NRCAM: variants seen among roughly 807,000 people sequenced by gnomAD.
NRCAM encodes the protein neuronal cell adhesion molecule, also known as NgCAM-related cell adhesion molecule.
NRCAM carries 83 observed loss-of-function variants against 156.5 expected under a neutral mutation model. That is an observed-to-expected ratio of 0.53 (90% CI 0.44 to 0.64). The LOEUF (loss-of-function observed/expected upper bound fraction) is 0.64. Among genes scored for constraint, NRCAM ranks in the 30% least tolerant of loss-of-function variants. NRCAM has a pLI of 0.00. For synonymous variants in NRCAM, 538 were observed against 563.9 expected (o/e 0.95, Z 0.65); for missense variants, 1,417 against 1,597.3 (o/e 0.89, Z 1.92).
intron 3 of NRCAM, among the ~76,000 whole-genome samples, chr7:108,268,825 C>G (rs567057704): frequency 6.6e-6 from 1 of 152,208 alleles, no homozygotes; most frequent in Non-Finnish European, 1.5e-5. Flanking sequence ...ATGAATGGTT[C>G]AATACCTGAA....
chr7:108,151,914 C>A (rs981760849), intron 32 of NRCAM, among the ~76,000 whole-genome samples: 1 of 152,160 alleles, frequency 6.6e-6, no homozygotes, highest in African/African-American at 2.4e-5. Flanking sequence ...AAGGAATACA[C>A]TGCTGGAAAT....
intron 17 of NRCAM, among the ~76,000 whole-genome samples, chr7:108,193,256 A>C (rs998408725): frequency 6.6e-6 from 1 of 152,232 alleles, no homozygotes; most frequent in African/African-American, 2.4e-5. Context: ...CTCTAGGCAC[A>C]TAAAAGAGAA....
intron 1 of NRCAM, among the ~76,000 whole-genome samples, chr7:108,428,440 C>T (rs1227775637): frequency 1.3e-5 from 2 of 152,132 alleles, no homozygotes; most frequent in Non-Finnish European, 2.9e-5. Flanking sequence ...AACCTGCTGC[C>T]CCAAGGAGTA....
chr7:108,279,253 T>G (rs1025104081), intron 3 of NRCAM, among the ~76,000 whole-genome samples: 2 of 152,202 alleles, frequency 1.3e-5, no homozygotes, highest in African/African-American at 4.8e-5. Context: ...AATAATAGTT[T>G]TATCAATTTT....
At chr7:108,210,536 G>A (rs759595430) in intron 11 of NRCAM, among the ~76,000 whole-genome samples, 77 of 152,226 alleles carry the variant, frequency 5.1e-4, no homozygotes, top group Non-Finnish European at 9.9e-4. Flanking sequence ...GTGAGCCACC[G>A]CGCCTGGTCC....
At chr7:108,436,014 G>C (rs6466235) in intron 1 of NRCAM, among the ~76,000 whole-genome samples, 56,402 of 152,122 alleles carry the variant, frequency 0.37, 11,218 homozygotes, top group African/African-American at 0.51. Context: ...GGCACCTGTA[G>C]TCCCAGCTAC....
At chr7:108,226,544 A>G (rs2093482459) in intron 8 of NRCAM, among the ~76,000 whole-genome samples, 166 bp from the exon 9 acceptor site, 1 of 144,866 alleles carries the variant, frequency 6.9e-6, no homozygotes, top group Admixed American at 6.8e-5. Context: ...AAAAAAAAAA[A>G]AAATACGTAA....
chr7:108,280,825 C>A (rs2097830965), intron 3 of NRCAM, among the ~76,000 whole-genome samples: 1 of 94,846 alleles, frequency 1.1e-5, no homozygotes, highest in Non-Finnish European at 2.1e-5. Context: ...TCTGTATGCT[C>A]ACTAATATCA....
At chr7:108,159,230 T>A in intron 32 of NRCAM, 1 of 685,124 alleles carries the variant, frequency 1.5e-6, no homozygotes. Flanking sequence ...TATGACAAAG[T>A]GGGAGACATT....
chr7:108,184,765 T>A (rs2065666390), intron 20 of NRCAM, 151 bp from the exon 21 acceptor site: 1 of 621,708 alleles, frequency 1.6e-6, no homozygotes, highest in Admixed American at 3.2e-5. Flanking sequence ...ATATTTTGAT[T>A]TCAGAGTTGT....
chr7:108,263,272 T>G (rs954317216), intron 3 of NRCAM, among the ~76,000 whole-genome samples: 1 of 152,250 alleles, frequency 6.6e-6, no homozygotes, highest in African/African-American at 2.4e-5. Context: ...AGAAAAGAAT[T>G]TCATTTCTTT....
At chr7:108,169,631 GA>G (rs2057226362) in intron 28 of NRCAM, among the ~76,000 whole-genome samples, 1 of 152,146 alleles carries the variant, frequency 6.6e-6, no homozygotes, top group Admixed American at 6.5e-5. Context: ...TAAGCATGGG[GA>G]AACAGCAGAG....
At chr7:108,220,554 G>A (rs1000426338) in intron 11 of NRCAM, among the ~76,000 whole-genome samples, 1 of 152,038 alleles carries the variant, frequency 6.6e-6, no homozygotes, top group African/African-American at 2.4e-5. Context: ...AATACTTACA[G>A]CCAACTGATC....
At chr7:108,166,335 C>T (rs1479234724) in intron 30 of NRCAM, among the ~76,000 whole-genome samples, 1 of 151,364 alleles carries the variant, frequency 6.6e-6, no homozygotes, top group Admixed American at 6.6e-5. Context: ...GCAACCTCTG[C>T]CTCCCGGGTT....
At chr7:108,278,653 C>T (rs949744522) in intron 3 of NRCAM, among the ~76,000 whole-genome samples, 3 of 152,244 alleles carry the variant, frequency 2.0e-5, no homozygotes, top group African/African-American at 7.2e-5. Context: ...CCTCCAGATA[C>T]AGTCACTCAC....
chr7:108,390,632 T>C (rs2099756714), intron 2 of NRCAM, among the ~76,000 whole-genome samples: 1 of 152,224 alleles, frequency 6.6e-6, no homozygotes, highest in Admixed American at 6.5e-5. Flanking sequence ...ATGTGCTTGC[T>C]CTTGCTTCTC....
chr7:108,445,137 T>C (rs1162532957), intron 1 of NRCAM, among the ~76,000 whole-genome samples: 1 of 152,220 alleles, frequency 6.6e-6, no homozygotes, highest in Non-Finnish European at 1.5e-5. Context: ...ACAACAAAAT[T>C]ATTGACTGTC....
chr7:108,352,903 A>T (rs1273383177), intron 2 of NRCAM, among the ~76,000 whole-genome samples: 5 of 152,264 alleles, frequency 3.3e-5, no homozygotes, highest in African/African-American at 9.6e-5. Flanking sequence ...AATACCTCTA[A>T]TTCATCAGTA....
chr7:108,326,009 A>G (rs2099064884), intron 2 of NRCAM, among the ~76,000 whole-genome samples: 1 of 152,158 alleles, frequency 6.6e-6, no homozygotes, highest in African/African-American at 2.4e-5. Context: ...CAATCTTTAA[A>G]TCTTTAGAAT....
Sources: allele counts gnomAD v4.1 joint callset (sites outside exome capture counted in the v4.1 genomes callset), GRCh38; gene constraint gnomAD v4.1.1; transcripts MANE v1.5; gene names NCBI Gene and HGNC (gene_info 2026-07-23, HGNC 2026-07-21).